The following SGCZ variants were observed in gnomAD, a reference collection of about 807,000 sequenced individuals.
SGCZ encodes sarcoglycan zeta.
SGCZ carries 40 observed loss-of-function variants against 41.3 expected under a neutral mutation model. That is an observed-to-expected ratio of 0.97 (90% CI 0.75 to 1.26). SGCZ has a LOEUF of 1.26. Among genes scored for constraint, SGCZ ranks in the 50% most tolerant of loss-of-function variants. The pLI is 0.00. For synonymous variants in SGCZ, 206 were observed against 137.5 expected (o/e 1.50, Z -3.49); for missense variants, 552 against 369.8 (o/e 1.49, Z -4.04).
chr8:14,490,416 C>T (rs556320993), intron 2 of SGCZ, among the ~76,000 whole-genome samples: 1 of 152,100 alleles, frequency 6.6e-6, no homozygotes, highest in African/African-American at 2.4e-5. Context: ...CATTTTCTGC[C>T]TAGGAAATAC....
intron 1 of SGCZ, among the ~76,000 whole-genome samples, chr8:15,053,188 A>G (rs1476559833): frequency 2.6e-5 from 4 of 152,154 alleles, no homozygotes; most frequent in Non-Finnish European, 5.9e-5. Flanking sequence ...ATTCCAGCCC[A>G]TCCAAACACT....
At chr8:14,593,637 T>C (rs762925375) in intron 1 of SGCZ, among the ~76,000 whole-genome samples, 5 of 151,534 alleles carry the variant, frequency 3.3e-5, no homozygotes, top group African/African-American at 9.7e-5. Context: ...GCCTTGTATG[T>C]GAAAGAAAGA....
intron 2 of SGCZ, among the ~76,000 whole-genome samples, chr8:14,447,018 G>C (rs1008082628): frequency 6.6e-6 from 1 of 152,108 alleles, no homozygotes; most frequent in Non-Finnish European, 1.5e-5. Context: ...AAATAGCAAA[G>C]ATGCATAATT....
At chr8:14,124,586 A>G (rs946263794) in intron 5 of SGCZ, among the ~76,000 whole-genome samples, 5 of 152,202 alleles carry the variant, frequency 3.3e-5, no homozygotes, top group Non-Finnish European at 7.3e-5. Context: ...TGATTATAAC[A>G]TCAATCATTC....
intron 1 of SGCZ, among the ~76,000 whole-genome samples, chr8:14,632,599 A>G (rs1806694913): frequency 6.6e-6 from 1 of 151,922 alleles, no homozygotes; most frequent in South Asian, 2.1e-4. Context: ...AACAATTCTT[A>G]GTTGAATATT....
intron 1 of SGCZ, among the ~76,000 whole-genome samples, chr8:14,557,605 G>A (rs1804072320): frequency 6.6e-6 from 1 of 151,986 alleles, no homozygotes. Flanking sequence ...TTTTGTATAA[G>A]GTGGGAGATG....
chr8:15,011,250 A>G (rs1802818057), intron 1 of SGCZ, among the ~76,000 whole-genome samples: 1 of 152,126 alleles, frequency 6.6e-6, no homozygotes, highest in Non-Finnish European at 1.5e-5. Context: ...TTGGTACTTC[A>G]CTGTAGTTCC....
intron 2 of SGCZ, among the ~76,000 whole-genome samples, chr8:14,466,620 T>G (rs1412870245): frequency 2.0e-5 from 3 of 151,772 alleles, no homozygotes; most frequent in Non-Finnish European, 2.9e-5. Context: ...CTCATGTTCC[T>G]TAAATTTTTT....
At chr8:15,098,195 G>T (rs1169365782) in intron 1 of SGCZ, among the ~76,000 whole-genome samples, 1 of 151,610 alleles carries the variant, frequency 6.6e-6, no homozygotes, top group Non-Finnish European at 1.5e-5. Context: ...GAAAAAGGAG[G>T]AAGAAAAGAC....
At chr8:15,166,243 CTTTTTTTTTTT>C (rs1167112993) in intron 1 of SGCZ, among the ~76,000 whole-genome samples, 2 of 129,306 alleles carry the variant, frequency 1.5e-5, no homozygotes, top group African/African-American at 5.5e-5. Flanking sequence ...TTTTTTTTTT[CTTTTTTTTTTT>C]TTTCTTTTTT....
chr8:14,401,613 G>A (rs1480910344), intron 2 of SGCZ, among the ~76,000 whole-genome samples: 4 of 151,496 alleles, frequency 2.6e-5, no homozygotes, highest in Non-Finnish European at 5.9e-5. Flanking sequence ...CAAAGGACAT[G>A]AACTCATCAT....
At position 14,579,784 on chromosome 8, in the gene SGCZ, G is replaced by A. The variant is rs536939031; in HGVS notation, c.40-24858C>T. Among the ~76,000 whole-genome samples, 13 of 152,208 alleles carry A rather than the reference G, an allele frequency of 8.5e-5. No individual in the cohort carries two copies. The South Asian group carries it at 1.0e-3, about 12-fold the overall frequency. On this transcript the variant is annotated intron_variant, in intron 1 of 7. Coordinates refer to ENST00000382080, the MANE Select transcript of SGCZ (RefSeq NM_139167.4). ...ACCATAACAAGTACATGAGTTTTAC[G>A]TTCATAGGCATCATAATTTTCTCTT... is the stretch of plus-strand genomic sequence containing the variant.
chr8:14,504,662 T>C (rs1802252663), intron 2 of SGCZ, among the ~76,000 whole-genome samples: 1 of 152,170 alleles, frequency 6.6e-6, no homozygotes. Flanking sequence ...TATCTTTATG[T>C]ATTTATTTTG....
At position 14,306,400 on chromosome 8, in the gene SGCZ, C is replaced by A. The variant is rs547218396; in HGVS notation, c.336+17703G>T. Among the ~76,000 whole-genome samples the A allele has an allele frequency of 6.6e-4, 100 of 152,282 alleles. 3 individuals are homozygous for A. In the South Asian group the frequency reaches 0.02, roughly 31 times the overall value. The stretch of plus-strand genomic sequence containing the variant: ...TTGATTAACTATTTAGCCAATTTCA[C>A]ATTATTCCAAATAAAATGTAAAGCA... On this transcript the variant is annotated intron_variant, in intron 3 of 7. Coordinates refer to ENST00000382080, the MANE Select transcript of SGCZ (RefSeq NM_139167.4).
At chr8:14,146,263 G>C (rs570505744) in intron 5 of SGCZ, among the ~76,000 whole-genome samples, 126 of 152,306 alleles carry the variant, frequency 8.3e-4, no homozygotes, top group South Asian at 1.7e-3. Flanking sequence ...GAAACTTACA[G>C]GCTGGGAGAG....
intron 2 of SGCZ, among the ~76,000 whole-genome samples, chr8:14,334,598 T>G (rs1802447774): frequency 6.6e-6 from 1 of 152,116 alleles, no homozygotes; most frequent in African/African-American, 2.4e-5. Flanking sequence ...AATTTATTTG[T>G]GCTTTTTTGT....
chr8:14,406,644 C>A (rs969830175), intron 2 of SGCZ, among the ~76,000 whole-genome samples: 1 of 152,100 alleles, frequency 6.6e-6, no homozygotes, highest in African/African-American at 2.4e-5. Context: ...AGGGCAGAAG[C>A]GCCTCCCCAT....
At chr8:14,253,234 T>C (rs1020778769) in intron 3 of SGCZ, among the ~76,000 whole-genome samples, 5 of 116,798 alleles carry the variant, frequency 4.3e-5, no homozygotes, top group African/African-American at 1.0e-4. Context: ...AAAAATAAGT[T>C]GTGTGTAGGG....
intron 1 of SGCZ, among the ~76,000 whole-genome samples, chr8:14,873,894 G>A (rs981242556): frequency 1.3e-5 from 2 of 152,102 alleles, no homozygotes; most frequent in Non-Finnish European, 2.9e-5. Context: ...CTTTCTCTTA[G>A]GCTTCTTCTT....
Sources: allele counts gnomAD v4.1 joint callset (sites outside exome capture counted in the v4.1 genomes callset), GRCh38; gene constraint gnomAD v4.1.1; transcripts MANE v1.5; gene names NCBI Gene and HGNC (gene_info 2026-07-23, HGNC 2026-07-21).